Variants in DNAH17 observed in about 807,000 individuals in gnomAD.
DNAH17 encodes dynein axonemal heavy chain 17.
Under a neutral mutation model 485.6 loss-of-function variants are expected in DNAH17, and 376 were observed. That is an observed-to-expected ratio of 0.77 (90% confidence interval 0.71 to 0.84). The LOEUF is 0.84. Among genes scored for constraint, DNAH17 ranks in the 40% least tolerant of loss-of-function variants. The pLI, the probability that DNAH17 is intolerant of heterozygous loss-of-function variation, is 0.00. For synonymous variants in DNAH17, 3,031 were observed against 2,405.9 expected, an observed-to-expected ratio of 1.26 and a Z score of -7.60; for missense variants, 6,370 against 5,839.3, an observed-to-expected ratio of 1.09 and a Z score of -2.96.
intron 16 of DNAH17, among the ~76,000 whole-genome samples, chr17:78,546,173 G>A (rs1270892668): frequency 6.6e-6 from 1 of 152,132 alleles, no homozygotes; most frequent in Non-Finnish European, 1.5e-5. Flanking sequence ...CAATACTCCT[G>A]CTTGGGCTTC....
intron 24 of DNAH17, among the ~76,000 whole-genome samples, chr17:78,526,170 C>T (rs894325559): frequency 4.6e-5 from 7 of 152,162 alleles, no homozygotes; most frequent in African/African-American, 1.7e-4. Flanking sequence ...TGGACGTGAC[C>T]ATGAACTTGG....
chr17:78,505,303 A>G lies in DNAH17; in HGVS notation c.4946T>C (p.Leu1649Pro). The change falls in exon 31 of 81, where the codon CTC (leucine) becomes CCC (proline). Residue 1649 changes from leucine to proline, a missense_variant. Leu to Pro is a moderately conservative substitution (Grantham distance 98). Transcript: ENST00000389840. ...TGCGCACACACTCACCTGCCCCGAG[A>G]GGTCGCATTCCTGATCAAAAACCAT... ...EYMVFDQECDLSGQVEVWLNR... is the reference protein window; with the variant it reads ...EYMVFDQECDPSGQVEVWLNR... The G allele has an allele frequency of 6.2e-7, 1 of 1,613,778 alleles. No individual in the cohort carries two copies. Among genetic ancestry groups the G allele is most frequent in the Non-Finnish European group, 8.5e-7 (1 of 1,179,824 alleles).
At chr17:78,574,077 T>TG (rs1238902610) in intron 2 of DNAH17, among the ~76,000 whole-genome samples, 1 of 152,216 alleles carries the variant, frequency 6.6e-6, no homozygotes, top group East Asian at 1.9e-4. Context: ...TCCCAGGCCA[T>TG]GGGCAGCAAC....
rs532581667 is a variant in DNAH17, at chr17:78,475,626, G to A, written c.8319+43C>T. ...ATAATGCAACCGGAGAGGGTGACCC[G>A]GTCCAGGTCCCGTGCCCTTGCTATC... is the stretch of plus-strand genomic sequence containing the variant. On this transcript the variant is annotated intron_variant, in intron 53 of 80. Transcript: ENST00000389840. 173 of 1,608,882 alleles carry A rather than the reference G, an allele frequency of 1.1e-4. 2 individuals are homozygous for A. In the South Asian group the frequency reaches 1.7e-3, roughly 16 times the overall value.
At chr17:78,488,038 G>C (rs1232892059) in intron 44 of DNAH17, among the ~76,000 whole-genome samples, 1 of 152,120 alleles carries the variant, frequency 6.6e-6, no homozygotes. Context: ...TTGGTCTTCA[G>C]TAGGGGAGAT....
chr17:78,501,473 T>G, intron 34 of DNAH17, 129 bp from the exon 35 acceptor site: 1 of 1,203,492 alleles, frequency 8.3e-7, no homozygotes, highest in East Asian at 2.5e-5. Context: ...TCTTTCCCCC[T>G]CCAGCACCCA....
intron 42 of DNAH17, among the ~76,000 whole-genome samples, 166 bp downstream of exon 42, chr17:78,492,467 C>T (rs1221404112): frequency 6.6e-6 from 1 of 152,228 alleles, no homozygotes; most frequent in East Asian, 1.9e-4. Context: ...GTGCCCACTG[C>T]TCCCCATAAA....
intron 62 of DNAH17, among the ~76,000 whole-genome samples, chr17:78,458,095 T>C (rs924694304): frequency 1.1e-4 from 16 of 152,292 alleles, no homozygotes; most frequent in African/African-American, 2.6e-4. Flanking sequence ...TGAGCCACTG[T>C]GCCCAGCCAG....
chr17:78,468,557 C>A, intron 55 of DNAH17, 60 bp downstream of exon 55: 1 of 1,553,404 alleles, frequency 6.4e-7, no homozygotes, highest in Non-Finnish European at 8.7e-7. Flanking sequence ...AAACCCATAC[C>A]CTGTAGGCCA....
chr17:78,518,998 C>T (rs2090862925), intron 25 of DNAH17, among the ~76,000 whole-genome samples: 1 of 151,846 alleles, frequency 6.6e-6, no homozygotes, highest in Non-Finnish European at 1.5e-5. Flanking sequence ...GAAACCCCGT[C>T]TCTACTAAAA....
At chr17:78,528,007 T>C (rs930497854) in intron 22 of DNAH17, among the ~76,000 whole-genome samples, 15 of 151,908 alleles carry the variant, frequency 9.9e-5, no homozygotes, top group Non-Finnish European at 1.8e-4. Context: ...TTGAACTCCT[T>C]GGCTCAAGTA....
At chr17:78,481,748 C>G (rs1189760928) in intron 48 of DNAH17, among the ~76,000 whole-genome samples, 1 of 152,196 alleles carries the variant, frequency 6.6e-6, no homozygotes, top group South Asian at 2.1e-4. Flanking sequence ...GGCACAGTGG[C>G]TCATGCCTGT....
Position 78,480,666 on chromosome 17 carries a change from A to G in DNAH17, c.7752+18T>C. ...AGACTCATGGCAGGTGACGGGGATGAGTATGGTTTCTGCTTACCTGAAGCC... is the reference window on the plus strand; with the variant it reads ...AGACTCATGGCAGGTGACGGGGATGGGTATGGTTTCTGCTTACCTGAAGCC... On this transcript the variant is annotated intron_variant, in intron 49 of 80. Coordinates refer to ENST00000389840, the MANE Select transcript of DNAH17 (RefSeq NM_173628.4). 2 of 1,604,328 alleles carry G rather than the reference A, an allele frequency of 1.2e-6. No homozygotes were observed. Among genetic ancestry groups the G allele is most frequent in the East Asian group, 2.2e-5 (1 of 44,664 alleles).
intron 44 of DNAH17, among the ~76,000 whole-genome samples, chr17:78,486,721 TG>T (rs1333916161): frequency 1.3e-5 from 2 of 152,334 alleles, no homozygotes; most frequent in African/African-American, 4.8e-5. Flanking sequence ...TCGTGGGGGC[TG>T]TGCCCTCTCT....
chr17:78,445,729 A>G, intron 69 of DNAH17, 49 bp from the exon 70 acceptor site: 2 of 1,568,854 alleles, frequency 1.3e-6, no homozygotes, highest in East Asian at 4.7e-5. Flanking sequence ...GTAAAACGTC[A>G]GCAGCCCTGA....
At position 78,484,884 on chromosome 17, in the gene DNAH17, T is replaced by TGTGCTGCCGGATGAGGGTGTGCG; in HGVS notation, c.7610_7632dup (p.Met2545ArgfsTer20). The TGTGCTGCCGGATGAGGGTGTGCG allele has an allele frequency of 1.3e-6, 2 of 1,571,362 alleles. No individual in the cohort carries two copies. The highest frequency in any genetic ancestry group is 1.7e-6 in the Non-Finnish European group (2 of 1,158,340). ...CCGTCTAACCAGTGCCGGTGGTCCATGTGCTGCCGGATGAGGGTGTGCGGG... is the reference window on the plus strand; with the variant it reads ...CCGTCTAACCAGTGCCGGTGGTCCATGTGCTGCCGGATGAGGGTGTGCGGTGCTGCCGGATGAGGGTGTGCGGG... On this transcript the variant is annotated frameshift_variant, in exon 48 of 81. Transcript: ENST00000389840. LOFTEE classifies it high-confidence loss of function.
At chr17:78,546,038 A>T (rs2091754287) in intron 16 of DNAH17, among the ~76,000 whole-genome samples, 2 of 152,136 alleles carry the variant, frequency 1.3e-5, no homozygotes, top group South Asian at 4.1e-4. Flanking sequence ...GCAGTGGCAC[A>T]ATCTCAGGTC....
intron 51 of DNAH17, among the ~76,000 whole-genome samples, 188 bp from the exon 52 acceptor site, chr17:78,476,921 T>C (rs1178305094): frequency 6.6e-6 from 1 of 151,718 alleles, no homozygotes; most frequent in Non-Finnish European, 1.5e-5. Context: ...CGGATGCCAG[T>C]GTGTGTGTGT....
chr17:78,462,982 G>T lies in DNAH17; in HGVS notation c.9036C>A (p.Tyr3012Ter). ...SRVYLATERR[Y>*]NYTTPKTFLE... The stretch of plus-strand genomic sequence containing the variant: ...GAAAGGTTTTGGGTGTGGTGTAGTT[G>T]TAGCGCCTCTCAGTAGCCAGGTATA... Residue 3012 changes from tyrosine (Y) to a stop codon, truncating the protein, a stop_gained, in exon 57 of 81, where the codon TAC (tyrosine) becomes TAA (stop). Transcript: ENST00000389840. LOFTEE classifies it high-confidence loss of function. 2 of 1,614,014 alleles carry T rather than the reference G, an allele frequency of 1.2e-6. No homozygotes were observed. The highest frequency in any genetic ancestry group is 1.7e-6 in the Non-Finnish European group (2 of 1,179,896).
Sources: allele counts gnomAD v4.1 joint callset (sites outside exome capture counted in the v4.1 genomes callset), GRCh38; gene constraint gnomAD v4.1.1; transcripts MANE v1.5; gene names NCBI Gene and HGNC (gene_info 2026-07-23, HGNC 2026-07-21).